Variants in FAM193A observed in about 807,000 individuals in gnomAD.
FAM193A encodes the protein protein FAM193A.
In FAM193A, 22 loss-of-function variants were observed where a neutral mutation model predicts 126.5. The ratio of observed to expected loss-of-function variants is 0.17; its 90% CI spans 0.12 to 0.25. The LOEUF is 0.25. Ranked by LOEUF, FAM193A falls within the 10% of genes least tolerant of loss-of-function variation. The pLI, the probability that FAM193A is intolerant of heterozygous loss-of-function variation, is 1.00. For missense variants in FAM193A, 1,675 were observed against 1,672.8 expected (o/e 1.00, Z -0.02); for synonymous variants, 761 against 646.8 (o/e 1.18, Z -2.68).
Position 2,719,139 on chromosome 4 carries a change from A to C in FAM193A, c.4454+3035A>C, listed in dbSNP as rs563673503. On this transcript the variant is annotated intron_variant, in intron 20 of 20. Transcript: ENST00000637812. Reference sequence around the variant, plus strand: ...ATCTGCCCAAAACAATACCAGAAAAAATGAAAAATCACAGGTTTATCTCAC... The same window carrying C: ...ATCTGCCCAAAACAATACCAGAAAACATGAAAAATCACAGGTTTATCTCAC... Among the ~76,000 whole-genome samples the C allele has an allele frequency of 4.6e-5, 7 of 152,294 alleles. No homozygotes were observed. The South Asian group carries it at 1.5e-3, about 32-fold the overall frequency.
intron 1 of FAM193A, among the ~76,000 whole-genome samples, chr4:2,561,686 G>A (rs1738625080): frequency 1.4e-5 from 2 of 147,424 alleles, no homozygotes; most frequent in South Asian, 4.4e-4. Flanking sequence ...TAGTACAGAC[G>A]GGGTTTCACC....
intron 8 of FAM193A, among the ~76,000 whole-genome samples, chr4:2,658,714 C>T (rs1228457461): frequency 1.3e-5 from 2 of 152,102 alleles, no homozygotes; most frequent in Non-Finnish European, 2.9e-5. Flanking sequence ...ATGCTTACCT[C>T]TTCCCTTTCC....
At chr4:2,618,029 T>C (rs1316134146) in intron 2 of FAM193A, among the ~76,000 whole-genome samples, 2 of 152,232 alleles carry the variant, frequency 1.3e-5, no homozygotes, top group Non-Finnish European at 2.9e-5. Context: ...TAAAAAGATA[T>C]TTCTGTTTGG....
chr4:2,683,965 A>C (rs917068398), intron 13 of FAM193A, among the ~76,000 whole-genome samples: 1 of 152,190 alleles, frequency 6.6e-6, no homozygotes, highest in Non-Finnish European at 1.5e-5. Flanking sequence ...TGATGAGTCC[A>C]TCACTGATAG....
At position 2,616,095 on chromosome 4, in the gene FAM193A, C is replaced by T. The variant is rs1370512001; in HGVS notation, c.502-9167C>T. On this transcript the variant is annotated intron_variant, in intron 2 of 20. Transcript: ENST00000637812. ...GGGTTAAGGCTTGAGCCACCGCGCC[C>T]GGCCGAAACTTCTAAATGTAACTAT... Among the ~76,000 whole-genome samples the T allele has an allele frequency of 3.3e-5, 5 of 152,210 alleles. No homozygotes were observed. The East Asian group carries it at 5.8e-4, about 18-fold the overall frequency.
intron 12 of FAM193A, among the ~76,000 whole-genome samples, chr4:2,666,148 T>C (rs758802030): frequency 6.6e-6 from 1 of 152,356 alleles, no homozygotes; most frequent in Non-Finnish European, 1.5e-5. Context: ...TGCCCTTTAT[T>C]GGGTTAAGGA....
intron 20 of FAM193A, among the ~76,000 whole-genome samples, chr4:2,727,995 G>A (rs914111755): frequency 6.6e-6 from 1 of 151,372 alleles, no homozygotes; most frequent in Non-Finnish European, 1.5e-5. Context: ...GCCCAGGCAC[G>A]ATCTTGGCTC....
At chr4:2,598,795 C>T (rs1466035187) in intron 2 of FAM193A, among the ~76,000 whole-genome samples, 1 of 152,188 alleles carries the variant, frequency 6.6e-6, no homozygotes, top group Non-Finnish European at 1.5e-5. Flanking sequence ...TAGCACTGTG[C>T]GTGCTCGTGT....
chr4:2,681,078 C>T (rs543188543), intron 13 of FAM193A, among the ~76,000 whole-genome samples: 5 of 152,266 alleles, frequency 3.3e-5, no homozygotes, highest in African/African-American at 9.6e-5. Context: ...GAGCCTCGAA[C>T]GCTTGAGCTC....
intron 1 of FAM193A, among the ~76,000 whole-genome samples, chr4:2,580,467 C>T (rs1302904961): frequency 1.3e-5 from 2 of 152,152 alleles, no homozygotes; most frequent in Non-Finnish European, 2.9e-5. Context: ...ACGTGCTGCA[C>T]ATGTACCCCC....
At chr4:2,704,336 C>T (rs987746461) in intron 19 of FAM193A, among the ~76,000 whole-genome samples, 1 of 151,412 alleles carries the variant, frequency 6.6e-6, no homozygotes, top group African/African-American at 2.4e-5. Flanking sequence ...GAGGCCAAGA[C>T]AGGCAGATCA....
At chr4:2,683,220 G>A (rs937059797) in intron 13 of FAM193A, among the ~76,000 whole-genome samples, 3 of 151,448 alleles carry the variant, frequency 2.0e-5, no homozygotes, top group African/African-American at 4.9e-5. Context: ...AATTCTTTTC[G>A]AATTCTTTTC....
intron 1 of FAM193A, among the ~76,000 whole-genome samples, chr4:2,541,134 G>T (rs1737209018): frequency 6.6e-6 from 1 of 151,926 alleles, no homozygotes; most frequent in Non-Finnish European, 1.5e-5. Context: ...ACTGGGTGTG[G>T]TGGCGCATGC....
chr4:2,668,789 TC>T (rs1489985391), intron 12 of FAM193A, among the ~76,000 whole-genome samples: 4 of 151,874 alleles, frequency 2.6e-5, no homozygotes, highest in African/African-American at 4.8e-5. Flanking sequence ...CCTTTTCCTC[TC>T]TCTCTCTTTC....
At chr4:2,599,623 C>A (rs1036497961) in intron 2 of FAM193A, among the ~76,000 whole-genome samples, 1 of 152,194 alleles carries the variant, frequency 6.6e-6, no homozygotes, top group East Asian at 1.9e-4. Flanking sequence ...TTGACCCATC[C>A]TAGCATCACG....
intron 2 of FAM193A, among the ~76,000 whole-genome samples, chr4:2,609,011 C>A (rs1246136666): frequency 6.6e-6 from 1 of 151,840 alleles, no homozygotes; most frequent in Admixed American, 6.6e-5. Flanking sequence ...CTGCCTCAGC[C>A]TCCCGAGTAG....
intron 14 of FAM193A, 73 bp downstream of exon 14, chr4:2,689,777 C>T (rs562900042): frequency 1.3e-5 from 14 of 1,110,918 alleles, no homozygotes; most frequent in Non-Finnish European, 1.2e-5. Context: ...CCGTAGTCTC[C>T]CGTGGAAGCC....
intron 1 of FAM193A, among the ~76,000 whole-genome samples, chr4:2,585,325 A>G (rs962772963): frequency 2.0e-5 from 3 of 152,132 alleles, no homozygotes; most frequent in African/African-American, 4.8e-5. Context: ...GGTTATACCT[A>G]TTTTCACTCT....
In FAM193A at chr4:2,626,437, A is replaced by G. The variant is rs1232563986; in HGVS notation, c.663A>G (p.Glu221=). 10 of 700,376 alleles carry G rather than the reference A, an allele frequency of 1.4e-5. No individual in the cohort carries two copies. The highest frequency in any genetic ancestry group is 2.4e-5 in the Non-Finnish European group (9 of 382,916). The allele number at this position is 700,376 out of a possible 1,614,324, so 43.4% of individuals were successfully genotyped here. A position where few individuals can be genotyped will look rare whatever the true frequency, so the allele number is the denominator to read the frequency against. The change falls in exon 4 of 21, where the codon GAA becomes GAG. Residue 221 remains glutamate (E), a synonymous_variant. Transcript: ENST00000637812. The stretch of plus-strand genomic sequence containing the variant: ...AAATTTCGGCAGAGGCGGACCGGGA[A>G]CCTCAGCAGCTGCAGAACTACTGGT... The part of the protein sequence containing the change: ...RREISAEADR[E]PQQLQNYWSE...
Sources: gnomAD v4.1 joint callset for allele counts (sites outside exome capture counted in the v4.1 genomes callset) on GRCh38, gnomAD v4.1.1 for gene constraint, MANE v1.5 for transcripts, NCBI Gene and HGNC (gene_info 2026-07-23, HGNC 2026-07-21) for gene names.